The following NANOS3 variants were observed in gnomAD, a reference collection of about 807,000 sequenced individuals.
The protein encoded by NANOS3 is nanos homolog 3.
NANOS3 carries 11 observed loss-of-function variants against 13.8 expected under a neutral mutation model. The observed-to-expected ratio is 0.80, with a 90% CI of 0.50 to 1.32. The LOEUF (loss-of-function observed/expected upper bound fraction) is 1.32. NANOS3 is among the 40% of genes most tolerant of loss of function. The pLI is 0.00. For missense variants in NANOS3, 221 were observed against 263.8 expected, an observed-to-expected ratio of 0.84 and a Z score of 1.12; for synonymous variants, 119 against 115.4, an observed-to-expected ratio of 1.03 and a Z score of -0.20.
upstream of NANOS3, among the ~76,000 whole-genome samples, chr19:13,875,506 G>A (rs1292290016): frequency 6.6e-6 from 1 of 151,956 alleles, no homozygotes; most frequent in Non-Finnish European, 1.5e-5. Context: ...TTTCTGAAAT[G>A]TGGGTGGTAA....
At chr19:13,871,229 A>G (rs1976323122) in intron 1 of NANOS3, among the ~76,000 whole-genome samples, 1 of 152,092 alleles carries the variant, frequency 6.6e-6, no homozygotes, top group Non-Finnish European at 1.5e-5. Context: ...GATGGGGGGT[A>G]AACAGCTAGA....
In NANOS3 at chr19:13,869,342, T is replaced by C. The variant is rs1262702148; in HGVS notation, n.21+3905T>C. Among the ~76,000 whole-genome samples, 4 of 151,976 alleles carry C rather than the reference T, an allele frequency of 2.6e-5. No individual in the cohort carries two copies. The East Asian group carries it at 7.8e-4, about 30-fold the overall frequency. The stretch of plus-strand genomic sequence containing the variant: ...ATTCTCCTTCAGCTTGGCCCCTCCA[T>C]AGCCCCCAATCCCATTCCTGGAGAA... On this transcript the variant is annotated intron_variant and non_coding_transcript_variant, in intron 1 of 2. Transcript: ENST00000591161.
chr19:13,864,778 G>A (rs987859659), upstream of NANOS3, among the ~76,000 whole-genome samples: 13 of 152,032 alleles, frequency 8.6e-5, no homozygotes, highest in African/African-American at 3.1e-4. Flanking sequence ...TCCTGAATGT[G>A]GTGTGTCTGT....
chr19:13,876,454 C>T (rs895757785), upstream of NANOS3, among the ~76,000 whole-genome samples: 2 of 152,224 alleles, frequency 1.3e-5, no homozygotes, highest in African/African-American at 4.8e-5. Flanking sequence ...GCCACCACTC[C>T]CTGGCCTGGT....
upstream of NANOS3, among the ~76,000 whole-genome samples, chr19:13,864,714 C>T (rs1599296127): frequency 6.6e-6 from 1 of 152,030 alleles, no homozygotes; most frequent in South Asian, 2.1e-4. Context: ...GCTGTGCGTG[C>T]CCGGGGTTCA....
In NANOS3 at chr19:13,877,151, A is replaced by C; in HGVS notation, c.-98A>C. The C allele has an allele frequency of 9.8e-7, 1 of 1,016,518 alleles. No individual in the cohort carries two copies. The highest frequency in any genetic ancestry group is 1.5e-6 in the Non-Finnish European group (1 of 681,988). 63.0% of individuals were successfully genotyped at this position (1,016,518 alleles called of 1,614,324 possible). On this transcript the variant is annotated 5_prime_UTR_variant, in exon 1 of 2. Transcript: ENST00000339133. ...AGACTCCCAGGCTCCAGAGAGGGGA[A>C]GGAAGGGGCAGCAGAGAGGGGTCAG...
chr19:13,862,412 G>C (rs1205871840), upstream of NANOS3, among the ~76,000 whole-genome samples: 1 of 152,174 alleles, frequency 6.6e-6, no homozygotes, highest in Non-Finnish European at 1.5e-5. Flanking sequence ...CTGGGAGGGC[G>C]CTGGACTCTG....
chr19:13,865,146 G>A (rs1335267632), upstream of NANOS3, among the ~76,000 whole-genome samples: 1 of 151,516 alleles, frequency 6.6e-6, no homozygotes, highest in Non-Finnish European at 1.5e-5. Context: ...GCACGGCCGC[G>A]GCTGGACCCA....
rs887823615 is a variant in NANOS3, at chr19:13,877,850, C to T, written c.517+85C>T. On this transcript the variant is annotated intron_variant, in intron 1 of 1. Transcript: ENST00000339133. ...AAGTAAGATTAGCCCCAGTACCCAC[C>T]TCCAAGGGTTAGGGGAAGACCTTAG... is the stretch of plus-strand genomic sequence containing the variant. 25 of 1,468,506 alleles carry T rather than the reference C, an allele frequency of 1.7e-5. No homozygotes were observed. The African/African-American group carries it at 3.1e-4, about 18-fold the overall frequency. The allele number at this position is 1,468,506 out of a possible 1,614,324, so 91.0% of individuals were successfully genotyped here.
At chr19:13,862,909 G>C (rs1016810594), upstream of NANOS3, among the ~76,000 whole-genome samples, 19 of 152,250 alleles carry the variant, frequency 1.2e-4, no homozygotes, top group African/African-American at 4.6e-4. Context: ...TTGCCCATCT[G>C]TGGAAAGGGC....
At chr19:13,872,855 C>G (rs1298491043), upstream of NANOS3, among the ~76,000 whole-genome samples, 1 of 152,150 alleles carries the variant, frequency 6.6e-6, no homozygotes, top group Admixed American at 6.5e-5. Flanking sequence ...TGACCCCGAC[C>G]CGGGGCGGGT....
chr19:13,870,635 T>G (rs1976313194), intron 1 of NANOS3, among the ~76,000 whole-genome samples: 1 of 137,710 alleles, frequency 7.3e-6, no homozygotes. Context: ...TGGCTCAATC[T>G]CGGCTCACTG....
chr19:13,879,001 G>T (rs970807497), intron 1 of NANOS3, among the ~76,000 whole-genome samples: 2 of 150,968 alleles, frequency 1.3e-5, no homozygotes, highest in Non-Finnish European at 2.9e-5. Context: ...GAGTGCAGTG[G>T]CGCGATCTTG....
chr19:13,874,189 C>A (rs538763114), upstream of NANOS3, among the ~76,000 whole-genome samples: 1 of 152,306 alleles, frequency 6.6e-6, no homozygotes, highest in African/African-American at 2.4e-5. Flanking sequence ...CCCCCCACCC[C>A]CAAGCGCTCC....
intron 1 of NANOS3, among the ~76,000 whole-genome samples, chr19:13,870,286 G>A (rs1355216987): frequency 6.6e-6 from 1 of 152,064 alleles, no homozygotes; most frequent in African/African-American, 2.4e-5. Context: ...TCACCATGTT[G>A]CTCAGGCTGG....
rs532554317 is a variant in NANOS3, at chr19:13,877,142, G to C, written c.-107G>C. On this transcript the variant is annotated 5_prime_UTR_variant, in exon 1 of 2. Coordinates refer to ENST00000339133, the MANE Select transcript of NANOS3 (RefSeq NM_001098622.3). ...GGCCAGCACAGACTCCCAGGCTCCA[G>C]AGAGGGGAAGGAAGGGGCAGCAGAG... 4 of 966,260 alleles carry C rather than the reference G, an allele frequency of 4.1e-6. No individual in the cohort carries two copies. In the South Asian group the frequency reaches 6.1e-5, roughly 15 times the overall value. 59.9% of individuals were successfully genotyped at this position (966,260 alleles called of 1,614,324 possible).
At chr19:13,862,201 T>A (rs1976168418), upstream of NANOS3, 1 of 152,296 alleles carries the variant, frequency 6.6e-6, no homozygotes, top group African/African-American at 2.4e-5. Flanking sequence ...CCGAGTGAGT[T>A]GGACATTTGT....
upstream of NANOS3, chr19:13,877,133 C>G (rs1484862032): frequency 1.1e-6 from 1 of 899,044 alleles, no homozygotes; most frequent in Non-Finnish European, 1.7e-6. Context: ...CACAGACTCC[C>G]AGGCTCCAGA....
chr19:13,865,010 T>A (rs1468116902), upstream of NANOS3, among the ~76,000 whole-genome samples: 5 of 151,986 alleles, frequency 3.3e-5, no homozygotes, highest in East Asian at 9.7e-4. Context: ...TCTGGGTCCC[T>A]GCGTGTGCCC....
Sources: allele counts gnomAD v4.1 joint callset (sites outside exome capture counted in the v4.1 genomes callset), GRCh38; gene constraint gnomAD v4.1.1; transcripts MANE v1.5; gene names NCBI Gene and HGNC (gene_info 2026-07-23, HGNC 2026-07-21).